The following CIROZ variants were observed in gnomAD, a reference collection of about 807,000 sequenced individuals.
CIROZ encodes the protein ciliated left-right organizer protein containing ZP-N domains.
the CIROZ span, among the ~76,000 whole-genome samples, chr1:10,969,641 C>A: frequency 6.6e-6 from 1 of 152,198 alleles, no homozygotes; most frequent in Non-Finnish European, 1.5e-5. Context: ...AGGCAGTGTT[C>A]TTGGTTCTGA....
At chr1:10,967,495 C>G in the CIROZ span, among the ~76,000 whole-genome samples, 6 of 152,230 alleles carry the variant, frequency 3.9e-5, no homozygotes, top group Non-Finnish European at 5.9e-5. Flanking sequence ...CTCCTTCACC[C>G]TTTTCTGCAC....
At chr1:10,963,067 C>G in the CIROZ span, among the ~76,000 whole-genome samples, 2 of 151,246 alleles carry the variant, frequency 1.3e-5, no homozygotes, top group Non-Finnish European at 2.9e-5. Context: ...CTGCAGTGAG[C>G]CTGCGTGACG....
At chr1:10,955,850 A>G in the CIROZ span, among the ~76,000 whole-genome samples, 1 of 151,642 alleles carries the variant, frequency 6.6e-6, no homozygotes, top group Non-Finnish European at 1.5e-5. Flanking sequence ...ATCTCAAAAA[A>G]AAAAAAAAAA....
At chr1:10,950,266 C>T in the CIROZ span, among the ~76,000 whole-genome samples, 21 of 152,052 alleles carry the variant, frequency 1.4e-4, no homozygotes, top group Non-Finnish European at 2.8e-4. Flanking sequence ...AACTCCCGAC[C>T]TCAAATGATC....
chr1:10,978,172 TAA>T, the CIROZ span, among the ~76,000 whole-genome samples: 49 of 126,776 alleles, frequency 3.9e-4, no homozygotes, highest in Non-Finnish European at 3.1e-4. Context: ...AACTCCACAG[TAA>T]AAAAAAAAAA....
At chr1:10,980,367 G>A in the CIROZ span, among the ~76,000 whole-genome samples, 2 of 152,262 alleles carry the variant, frequency 1.3e-5, no homozygotes, top group Non-Finnish European at 2.9e-5. Context: ...AGCGCCTGTG[G>A]CGAGCCTCTC....
the CIROZ span, among the ~76,000 whole-genome samples, chr1:10,967,412 C>T: frequency 6.6e-6 from 1 of 152,166 alleles, no homozygotes; most frequent in Non-Finnish European, 1.5e-5. Context: ...TGCCTCCTTT[C>T]AGTCCTTGTG....
chr1:10,974,108 T>G, the CIROZ span, among the ~76,000 whole-genome samples: 52,158 of 151,822 alleles, frequency 0.34, 11,441 homozygotes, highest in African/African-American at 0.63. This position sits in a 1 kb window ranked among gnomAD's most constrained non-coding sequence, Gnocchi z 4.4. Flanking sequence ...CTGGGTGGAA[T>G]GGGGCAGGTC....
At chr1:10,947,044 G>A in the CIROZ span, among the ~76,000 whole-genome samples, 2 of 152,174 alleles carry the variant, frequency 1.3e-5, no homozygotes, top group Admixed American at 6.5e-5. Flanking sequence ...GATGTAGTCC[G>A]GCTCCACGCC....
the CIROZ span, chr1:10,954,142 G>C: frequency 7.8e-4 from 1,252 of 1,610,732 alleles, no homozygotes; most frequent in Non-Finnish European, 1.0e-3. Context: ...TCTTGGCATC[G>C]CTGTGGGGCC....
chr1:10,963,110 C>T, the CIROZ span, among the ~76,000 whole-genome samples: 9 of 152,056 alleles, frequency 5.9e-5, no homozygotes, highest in South Asian at 4.2e-4. Context: ...AAAAACAGGC[C>T]GGGTGCAGTG....
chr1:10,959,188 T>C, the CIROZ span, among the ~76,000 whole-genome samples: 1 of 151,890 alleles, frequency 6.6e-6, no homozygotes, highest in Non-Finnish European at 1.5e-5. This position sits in a 1 kb window ranked among gnomAD's most constrained non-coding sequence, Gnocchi z 4.3. Flanking sequence ...GCTTCTACGG[T>C]CCCAGAGAGT....
the CIROZ span, chr1:10,981,909 C>A: frequency 2.1e-6 from 3 of 1,428,124 alleles, no homozygotes; most frequent in South Asian, 1.3e-5. Context: ...CTCTTAGATG[C>A]AAGGCTTCTG....
the CIROZ span, among the ~76,000 whole-genome samples, chr1:10,968,468 G>A: frequency 1.3e-5 from 2 of 152,192 alleles, no homozygotes; most frequent in African/African-American, 4.8e-5. Context: ...AGCTTCCACC[G>A]CTATCTTTAG....
the CIROZ span, among the ~76,000 whole-genome samples, chr1:10,973,557 T>C: frequency 1.3e-5 from 2 of 152,074 alleles, no homozygotes; most frequent in Admixed American, 6.5e-5. Context: ...GCCCCGTCTG[T>C]ACAACCCCAC....
the CIROZ span, among the ~76,000 whole-genome samples, chr1:10,946,975 C>T: frequency 6.6e-6 from 1 of 152,310 alleles, no homozygotes; most frequent in Non-Finnish European, 1.5e-5. Flanking sequence ...CTGCCTGGGC[C>T]GGGAGGTGGA....
the CIROZ span, among the ~76,000 whole-genome samples, chr1:10,972,722 G>T: frequency 5.3e-5 from 8 of 152,186 alleles, no homozygotes; most frequent in East Asian, 3.9e-4. Context: ...CAAAGAATTG[G>T]CCCTTTGCCC....
chr1:10,973,962 C>CCACCA, the CIROZ span, among the ~76,000 whole-genome samples: 100 of 151,586 alleles, frequency 6.6e-4, 1 homozygote, highest in African/African-American at 2.0e-3. Context: ...AAGGACCCCC[C>CCACCA]CCACCAAGTC....
the CIROZ span, among the ~76,000 whole-genome samples, chr1:10,962,642 C>T: frequency 6.6e-6 from 1 of 152,174 alleles, no homozygotes; most frequent in Non-Finnish European, 1.5e-5. Flanking sequence ...ACCATGTGGT[C>T]TGGCTCAAAG....
Sources: gnomAD v4.1 joint callset for allele counts (sites outside exome capture counted in the v4.1 genomes callset) on GRCh38, gnomAD v4.1.1 for gene constraint, Gnocchi (gnomAD v3.1) non-coding constraint, MANE v1.5 for transcripts, NCBI Gene and HGNC (gene_info 2026-07-23, HGNC 2026-07-21) for gene names.